CGNL1: variants seen among roughly 807,000 people sequenced by gnomAD.
CGNL1 encodes the protein cingulin like 1.
In CGNL1, 132 loss-of-function variants were observed where a neutral mutation model predicts 141.2. That is an observed-to-expected ratio of 0.93 (90% confidence interval 0.81 to 1.08). The LOEUF (loss-of-function observed/expected upper bound fraction) is 1.08, where lower values mean the gene tolerates loss of function less well. Ranked by LOEUF, CGNL1 falls within the 50% of genes least tolerant of loss-of-function variation. The pLI is 0.00. For missense variants in CGNL1, 1,870 were observed against 1,588.6 expected, an observed-to-expected ratio of 1.18 and a Z score of -3.01; for synonymous variants, 690 against 622.1, an observed-to-expected ratio of 1.11 and a Z score of -1.63.
chr15:57,392,599 G>T (rs1208700498), intron 1 of CGNL1, among the ~76,000 whole-genome samples: 1 of 152,180 alleles, frequency 6.6e-6, no homozygotes, highest in African/African-American at 2.4e-5. Flanking sequence ...TGAGCTCCCA[G>T]AATCTAATTC....
chr15:57,411,310 T>G (rs1186492606), intron 1 of CGNL1, among the ~76,000 whole-genome samples: 1 of 152,222 alleles, frequency 6.6e-6, no homozygotes, highest in Non-Finnish European at 1.5e-5. Flanking sequence ...GACGTTCTCT[T>G]GTATACCAAC....
chr15:57,392,144 C>T (rs1340585401), intron 1 of CGNL1, among the ~76,000 whole-genome samples: 1 of 152,008 alleles, frequency 6.6e-6, no homozygotes, highest in East Asian at 1.9e-4. Context: ...CATTTCATGC[C>T]CTTCTTGGCT....
At chr15:57,451,061 A>C (rs913709845) in intron 4 of CGNL1, among the ~76,000 whole-genome samples, 1 of 152,160 alleles carries the variant, frequency 6.6e-6, no homozygotes, top group South Asian at 2.1e-4. Flanking sequence ...TTTGTTGCTG[A>C]TTTTTTGCTA....
At chr15:57,498,127 G>T (rs1234989757) in intron 8 of CGNL1, among the ~76,000 whole-genome samples, 1 of 151,956 alleles carries the variant, frequency 6.6e-6, no homozygotes, top group Non-Finnish European at 1.5e-5. Context: ...TAGAGTTAAG[G>T]CTCCCTCACC....
In CGNL1 at chr15:57,438,422, C is replaced by T. The variant is rs1171944963; in HGVS notation, c.423C>T (p.His141=). The part of the protein sequence containing the change: ...DRKDGSVKPS[H]LLNFQRHPEL... ...AAGACGGGTCTGTGAAGCCATCTCA[C>T]CTGCTGAACTTTCAGAGGCATCCAG... is the stretch of plus-strand genomic sequence containing the variant. Residue 141 remains histidine, a synonymous_variant, in exon 2 of 19, where the codon CAC becomes CAT. Transcript: ENST00000281282. The T allele has an allele frequency of 2.5e-6, 4 of 1,614,178 alleles. No homozygotes were observed. The highest frequency in any genetic ancestry group is 2.2e-5 in the East Asian group (1 of 44,884).
chr15:57,412,463 T>C (rs1247371873), intron 1 of CGNL1, among the ~76,000 whole-genome samples: 1 of 152,238 alleles, frequency 6.6e-6, no homozygotes, highest in East Asian at 1.9e-4. Context: ...AAGGGATGAT[T>C]GTTGTCTGAG....
chr15:57,467,800 G>T (rs1029641947), intron 8 of CGNL1, among the ~76,000 whole-genome samples: 1 of 140,266 alleles, frequency 7.1e-6, no homozygotes, highest in Non-Finnish European at 1.5e-5. Context: ...AATGATTCTT[G>T]TGCCTCATCC....
chr15:57,435,238 G>T (rs1302317100), intron 1 of CGNL1, among the ~76,000 whole-genome samples: 2 of 152,084 alleles, frequency 1.3e-5, no homozygotes, highest in Non-Finnish European at 2.9e-5. Context: ...TCATAATAAT[G>T]TAAATAGTTG....
At chr15:57,453,191 G>A (rs1176445666) in intron 6 of CGNL1, among the ~76,000 whole-genome samples, 2 of 152,122 alleles carry the variant, frequency 1.3e-5, no homozygotes, top group Non-Finnish European at 2.9e-5. Context: ...ATTGTGTCGT[G>A]AAATGAAATG....
rs1467695515 is a variant in CGNL1 at position 57,396,290 on chromosome 15, T to G, written c.-16+19723T>G. On this transcript the variant is annotated intron_variant, in intron 1 of 18. Transcript: ENST00000281282. ...CTTTCTTTCTTTGTTTTTTTTTTTT[T>G]TTTTGGAAACAGTCTCCTCTGTTGC... Among the ~76,000 whole-genome samples, 572 of 151,316 alleles carry G rather than the reference T, an allele frequency of 3.8e-3. 4 individuals carry two copies. Among genetic ancestry groups the G allele is most frequent in the African/African-American group, 0.013 (518 of 41,224 alleles).
At chr15:57,509,681 C>A (rs191856821) in intron 8 of CGNL1, among the ~76,000 whole-genome samples, 15 of 152,292 alleles carry the variant, frequency 9.8e-5, no homozygotes, top group African/African-American at 3.1e-4. Flanking sequence ...AGCCTGCAGG[C>A]AGGTGATTAT....
At chr15:57,496,579 G>T (rs111229354) in intron 8 of CGNL1, among the ~76,000 whole-genome samples, 2 of 152,178 alleles carry the variant, frequency 1.3e-5, no homozygotes, top group African/African-American at 4.8e-5. Flanking sequence ...CAAAAAGGTT[G>T]GGGACTGCTG....
chr15:57,380,707 G>A (rs1488091801), intron 1 of CGNL1, among the ~76,000 whole-genome samples: 1 of 152,204 alleles, frequency 6.6e-6, no homozygotes, highest in Non-Finnish European at 1.5e-5. Context: ...GGTGGAGGAA[G>A]AGAACAGATT....
At chr15:57,526,728 C>G (rs2031637955) in intron 12 of CGNL1, among the ~76,000 whole-genome samples, 1 of 152,102 alleles carries the variant, frequency 6.6e-6, no homozygotes, top group African/African-American at 2.4e-5. Flanking sequence ...ATTCAGGATA[C>G]ATTGTTCACA....
intron 7 of CGNL1, among the ~76,000 whole-genome samples, chr15:57,455,596 C>G (rs1415720392): frequency 3.3e-5 from 5 of 152,152 alleles, no homozygotes; most frequent in Non-Finnish European, 7.3e-5. Context: ...TTGCTTCTTT[C>G]CGCATTTCAC....
chr15:57,510,961 AAG>A (rs1310989820), intron 8 of CGNL1, among the ~76,000 whole-genome samples: 2 of 152,180 alleles, frequency 1.3e-5, no homozygotes, highest in Non-Finnish European at 1.5e-5. Flanking sequence ...TGAAAAGACA[AAG>A]GAAGGGTTTC....
chr15:57,429,886 T>A (rs2063023526), intron 1 of CGNL1, among the ~76,000 whole-genome samples: 1 of 152,228 alleles, frequency 6.6e-6, no homozygotes, highest in African/African-American at 2.4e-5. Flanking sequence ...CATAGCTCCC[T>A]GCAGCCTTGA....
In CGNL1 at chr15:57,392,158, T is replaced by C. The variant is rs2062551175; in HGVS notation, c.-16+15591T>C. ...CCATTTCATGCCCTTCTTGGCTGTT[T>C]GAATTTTATAAATATCACTGCATGT... On this transcript the variant is annotated intron_variant, in intron 1 of 18. Transcript: ENST00000281282. Among the ~76,000 whole-genome samples the C allele has an allele frequency of 2.0e-5, 3 of 152,278 alleles. No individual in the cohort carries two copies. The South Asian group carries it at 6.2e-4, about 32-fold the overall frequency.
At chr15:57,409,129 A>C (rs2062757720) in intron 1 of CGNL1, among the ~76,000 whole-genome samples, 1 of 151,946 alleles carries the variant, frequency 6.6e-6, no homozygotes, top group Admixed American at 6.6e-5. Flanking sequence ...GACATTAGGA[A>C]CTAACCACGT....
Sources: allele counts gnomAD v4.1 joint callset (sites outside exome capture counted in the v4.1 genomes callset), GRCh38; gene constraint gnomAD v4.1.1; transcripts MANE v1.5; gene names NCBI Gene and HGNC (gene_info 2026-07-23, HGNC 2026-07-21).